RFX3: variants seen among roughly 807,000 people sequenced by gnomAD.
RFX3 encodes transcription factor RFX3.
A neutral mutation model predicts 98.6 loss-of-function variants in RFX3; 14 were observed. That is an observed-to-expected ratio of 0.14 (90% CI 0.09 to 0.22). The LOEUF (loss-of-function observed/expected upper bound fraction) is 0.22, where lower values mean the gene tolerates loss of function less well. RFX3 is among the 10% of genes least tolerant of loss of function. The pLI is 1.00. For synonymous variants in RFX3, 383 were observed against 328.4 expected, an observed-to-expected ratio of 1.17 and a Z score of -1.80; for missense variants, 639 against 926.9, an observed-to-expected ratio of 0.69 and a Z score of 4.03.
chr9:3,390,412 T>C (rs1458915519), intron 2 of RFX3, among the ~76,000 whole-genome samples: 2 of 152,164 alleles, frequency 1.3e-5, no homozygotes, highest in Non-Finnish European at 2.9e-5. Flanking sequence ...CCCTAGAGAC[T>C]TGTTGAATGG....
intron 1 of RFX3, among the ~76,000 whole-genome samples, chr9:3,396,726 T>C (rs993202143): frequency 2.6e-5 from 4 of 152,154 alleles, no homozygotes; most frequent in South Asian, 2.1e-4. Flanking sequence ...TTTTAATGAT[T>C]GCCATTCTAA....
At chr9:3,333,806 C>A (rs1021648539) in intron 3 of RFX3, among the ~76,000 whole-genome samples, 8 of 152,022 alleles carry the variant, frequency 5.3e-5, no homozygotes, top group African/African-American at 1.9e-4. Context: ...CAGGATGCCC[C>A]CTACTAGTAA....
At chr9:3,263,819 G>C (rs979710645) in intron 12 of RFX3, among the ~76,000 whole-genome samples, 3 of 152,140 alleles carry the variant, frequency 2.0e-5, no homozygotes, top group African/African-American at 7.2e-5. Flanking sequence ...ACCTGGGTTT[G>C]ACCAATAACA....
intron 1 of RFX3, among the ~76,000 whole-genome samples, chr9:3,474,833 A>G (rs7020943): frequency 0.27 from 41,551 of 152,120 alleles, 8,375 homozygotes; most frequent in East Asian, 0.66. Flanking sequence ...ATGGTGGCTC[A>G]TGCCTGTAAT....
intron 1 of RFX3, among the ~76,000 whole-genome samples, chr9:3,411,610 G>C (rs1170122505): frequency 1.3e-5 from 2 of 151,904 alleles, no homozygotes; most frequent in Non-Finnish European, 2.9e-5. Context: ...CGAGTAGCTG[G>C]GATTATAGGT....
At chr9:3,259,336 C>T (rs1447130195) in intron 13 of RFX3, among the ~76,000 whole-genome samples, 1 of 151,924 alleles carries the variant, frequency 6.6e-6, no homozygotes, top group African/African-American at 2.4e-5. Flanking sequence ...AACCACAGCA[C>T]ATTATTCTGG....
intron 2 of RFX3, among the ~76,000 whole-genome samples, chr9:3,373,672 G>T (rs946090741): frequency 3.3e-4 from 50 of 152,210 alleles, no homozygotes; most frequent in Admixed American, 3.2e-3. Context: ...GTTCTGGGAA[G>T]ATCAATTTTA....
intron 2 of RFX3, among the ~76,000 whole-genome samples, chr9:3,365,035 C>CT (rs1368864697): frequency 6.6e-6 from 1 of 152,108 alleles, no homozygotes; most frequent in Non-Finnish European, 1.5e-5. Context: ...GGCGTGGTGG[C>CT]TCACGCCTGT....
chr9:3,410,810 A>C (rs985719986), intron 1 of RFX3, among the ~76,000 whole-genome samples: 6 of 152,214 alleles, frequency 3.9e-5, no homozygotes, highest in Non-Finnish European at 8.8e-5. Context: ...ACTGCTTTGT[A>C]CAAATGTAAC....
At position 3,257,092 on chromosome 9, in the gene RFX3, C is replaced by A. The variant is rs757709200; in HGVS notation, c.1713G>T (p.Ala571=). The part of the protein sequence containing the change: ...QQQSTLEQWA[A]WLDNVMMQAL... ...CTTGCATCATCACATTGTCAAGCCA[C>A]GCAGCCCACTGCTCCAGGGTGCTCT... Residue 571 remains alanine (A), a synonymous_variant, in exon 14 of 17, where the codon GCG becomes GCT. Coordinates refer to ENST00000617270, the MANE Select transcript of RFX3 (RefSeq NM_001282116.2). The A allele has an allele frequency of 6.2e-7, 1 of 1,613,900 alleles. No individual in the cohort carries two copies. The highest frequency in any genetic ancestry group is 1.7e-5 in the Admixed American group (1 of 59,988).
At chr9:3,397,472 ACTT>A (rs1228739023) in intron 1 of RFX3, among the ~76,000 whole-genome samples, 4 of 152,196 alleles carry the variant, frequency 2.6e-5, no homozygotes, top group South Asian at 2.1e-4. Context: ...TCACAGCATG[ACTT>A]CTTCTAATTT....
At chr9:3,524,827 G>GCGCA (rs1307645924) in intron 1 of RFX3, among the ~76,000 whole-genome samples, 11 of 128,132 alleles carry the variant, frequency 8.6e-5, no homozygotes, top group South Asian at 2.6e-4. Flanking sequence ...TAAATCACAA[G>GCGCA]CACACACACA....
chr9:3,231,073 T>C (rs959711177), intron 15 of RFX3, among the ~76,000 whole-genome samples: 1 of 152,164 alleles, frequency 6.6e-6, no homozygotes, highest in East Asian at 1.9e-4. Flanking sequence ...GTTATTATCA[T>C]TAACAAAAAT....
chr9:3,333,527 C>A (rs533423715), intron 3 of RFX3, among the ~76,000 whole-genome samples: 49 of 150,340 alleles, frequency 3.3e-4, no homozygotes, highest in Non-Finnish European at 6.5e-4. Context: ...CTGGAAATCT[C>A]ATTTGTTTCT....
At chr9:3,340,233 A>G (rs973117130) in intron 3 of RFX3, among the ~76,000 whole-genome samples, 1 of 152,168 alleles carries the variant, frequency 6.6e-6, no homozygotes, top group African/African-American at 2.4e-5. Flanking sequence ...CCTTCCTTAC[A>G]CCTTATGCAA....
intron 1 of RFX3, among the ~76,000 whole-genome samples, chr9:3,419,810 A>G (rs533612110): frequency 2.8e-4 from 43 of 152,298 alleles, no homozygotes; most frequent in Non-Finnish European, 5.0e-4. Context: ...TACATATGAA[A>G]CTTTGTTATA....
intron 15 of RFX3, among the ~76,000 whole-genome samples, chr9:3,233,299 A>T (rs963507926): frequency 6.6e-6 from 1 of 152,160 alleles, no homozygotes; most frequent in African/African-American, 2.4e-5. Context: ...AGGCAGCTGG[A>T]TTGTTCATTA....
chr9:3,324,097 T>C (rs1478557028), intron 4 of RFX3: 1 of 411,010 alleles, frequency 2.4e-6, no homozygotes, highest in Non-Finnish European at 5.3e-6. Context: ...TGAGTTGGCC[T>C]AGGGAAAAAG....
chr9:3,455,646 T>C (rs906926340), intron 1 of RFX3, among the ~76,000 whole-genome samples: 11 of 152,240 alleles, frequency 7.2e-5, no homozygotes, highest in African/African-American at 2.2e-4. Flanking sequence ...TGAGCAAATA[T>C]AGAACTAGGT....
Sources: allele counts gnomAD v4.1 joint callset (sites outside exome capture counted in the v4.1 genomes callset), GRCh38; gene constraint gnomAD v4.1.1; transcripts MANE v1.5; gene names NCBI Gene and HGNC (gene_info 2026-07-23, HGNC 2026-07-21).